The following SEM1 variants were observed in gnomAD, a reference collection of about 807,000 sequenced individuals.
The protein encoded by SEM1 is SEM1 26S proteasome subunit, also known as 26S proteasome complex subunit SEM1.
In SEM1, 3 loss-of-function variants were observed where a neutral mutation model predicts 12.7. That is an observed-to-expected ratio of 0.24 (90% CI 0.11 to 0.61). SEM1 has a LOEUF of 0.61. SEM1 is among the 20% of genes least tolerant of loss of function. SEM1 has a pLI of 0.88. For missense variants in SEM1, 59 were observed against 81.3 expected (o/e 0.73, Z 1.06); for synonymous variants, 30 against 27.8 (o/e 1.08, Z -0.25).
chr7:96,671,600 C>T (rs937764336), downstream of SEM1, among the ~76,000 whole-genome samples: 2 of 152,036 alleles, frequency 1.3e-5, no homozygotes, highest in African/African-American at 4.8e-5. Context: ...CAGAGCTCAA[C>T]CTGGGAGTTC....
intron 2 of SEM1, among the ~76,000 whole-genome samples, chr7:96,616,931 C>T (rs182194117): frequency 6.6e-6 from 1 of 152,106 alleles, no homozygotes; most frequent in Non-Finnish European, 1.5e-5. Flanking sequence ...CAGTATTATG[C>T]TGCTTTGGTT....
intron 2 of SEM1, among the ~76,000 whole-genome samples, chr7:96,541,443 G>GTTT (rs61049763): frequency 6.3e-4 from 65 of 102,384 alleles, no homozygotes; most frequent in African/African-American, 1.9e-3. Context: ...TTTTTTTTTT[G>GTTT]TTTTTTTTTT....
intron 2 of SEM1, among the ~76,000 whole-genome samples, chr7:96,604,273 T>G (rs1807278086): frequency 6.6e-6 from 1 of 152,160 alleles, no homozygotes; most frequent in Non-Finnish European, 1.5e-5. Context: ...GATAGGGACA[T>G]GAGACTTTTT....
At chr7:96,578,881 T>A (rs2116038667) in intron 2 of SEM1, among the ~76,000 whole-genome samples, 1 of 152,308 alleles carries the variant, frequency 6.6e-6, no homozygotes, top group East Asian at 1.9e-4. Flanking sequence ...GTTCTCTATT[T>A]ATTGTGAAGA....
chr7:96,653,588 T>A (rs1219658510), intron 2 of SEM1: 1 of 151,970 alleles, frequency 6.6e-6, no homozygotes, highest in Non-Finnish European at 1.5e-5. Flanking sequence ...TAGAGAAGAG[T>A]CGTGATAGTT....
chr7:96,579,946 C>T (rs1352272937), intron 2 of SEM1, among the ~76,000 whole-genome samples: 1 of 60,096 alleles, frequency 1.7e-5, no homozygotes. Flanking sequence ...CCTATTTCCT[C>T]ACCTTTCAAT....
intron 2 of SEM1, among the ~76,000 whole-genome samples, chr7:96,485,807 T>C (rs150625588): frequency 0.013 from 1,938 of 152,216 alleles, 48 homozygotes; most frequent in African/African-American, 0.044. Context: ...TGCAAAGTGC[T>C]GGGATTACAG....
chr7:96,604,988 C>T (rs544534899), intron 2 of SEM1, among the ~76,000 whole-genome samples: 2 of 152,048 alleles, frequency 1.3e-5, no homozygotes, highest in African/African-American at 4.8e-5. Context: ...AGAATCAAAT[C>T]CAAGATTGCC....
chr7:96,697,566 T>C (rs1424110547), intron 1 of SEM1, among the ~76,000 whole-genome samples: 2 of 152,164 alleles, frequency 1.3e-5, no homozygotes, highest in Non-Finnish European at 2.9e-5. Flanking sequence ...TGTTCTATTC[T>C]ACACCAATTT....
chr7:96,556,577 C>T (rs992995102), intron 2 of SEM1, among the ~76,000 whole-genome samples: 3 of 151,660 alleles, frequency 2.0e-5, no homozygotes, highest in African/African-American at 7.3e-5. Flanking sequence ...GTCTGATGGG[C>T]TTCCCTTTGA....
chr7:96,632,568 G>A (rs550857961), intron 2 of SEM1, among the ~76,000 whole-genome samples: 2 of 152,182 alleles, frequency 1.3e-5, no homozygotes, highest in East Asian at 3.9e-4. Context: ...TGGCGGACTA[G>A]GGGAGGGATA....
chr7:96,647,361 A>G (rs1808827858), intron 2 of SEM1: 1 of 152,220 alleles, frequency 6.6e-6, no homozygotes, highest in African/African-American at 2.4e-5. Flanking sequence ...CTTAGCTATA[A>G]TTATTATTCT....
chr7:96,609,235 T>C (rs1807472748), intron 2 of SEM1, among the ~76,000 whole-genome samples: 1 of 152,206 alleles, frequency 6.6e-6, no homozygotes, highest in African/African-American at 2.4e-5. Flanking sequence ...GTGCCATTGC[T>C]TCTTAATCCA....
chr7:96,552,627 T>G (rs1427314259), intron 2 of SEM1, among the ~76,000 whole-genome samples: 18 of 147,790 alleles, frequency 1.2e-4, no homozygotes, highest in South Asian at 1.1e-3. Flanking sequence ...TCTTTGCTAT[T>G]GTGAATAATG....
chr7:96,682,273 A>G (rs900682734), intron 2 of SEM1, among the ~76,000 whole-genome samples: 1 of 152,136 alleles, frequency 6.6e-6, no homozygotes, highest in African/African-American at 2.4e-5. Context: ...TATCAGCTTA[A>G]GGAGATTTTG....
intron 2 of SEM1, among the ~76,000 whole-genome samples, chr7:96,680,785 T>C (rs1789588360): frequency 1.3e-5 from 2 of 152,118 alleles, no homozygotes; most frequent in Non-Finnish European, 1.5e-5. Context: ...TCAACCTTTT[T>C]GACAACCCAT....
At chr7:96,498,337 A>G (rs1803372168), upstream of SEM1, among the ~76,000 whole-genome samples, 1 of 151,066 alleles carries the variant, frequency 6.6e-6, no homozygotes, top group Non-Finnish European at 1.5e-5. Context: ...TAAAAATTAC[A>G]CGTCGTTTTG....
intron 3 of SEM1, chr7:96,484,080 AG>A (rs1284126783): frequency 5.8e-5 from 69 of 1,185,946 alleles, no homozygotes; most frequent in African/African-American, 1.9e-4. Context: ...ACAACCCTAT[AG>A]GGTAGATCCA....
At chr7:96,545,187 A>G (rs529155526) in intron 2 of SEM1, among the ~76,000 whole-genome samples, 1 of 152,124 alleles carries the variant, frequency 6.6e-6, no homozygotes, top group Non-Finnish European at 1.5e-5. Flanking sequence ...GATCCCAAAG[A>G]AAATCTGACT....
Sources: allele counts gnomAD v4.1 joint callset (sites outside exome capture counted in the v4.1 genomes callset), GRCh38; gene constraint gnomAD v4.1.1; transcripts MANE v1.5; gene names NCBI Gene and HGNC (gene_info 2026-07-23, HGNC 2026-07-21).